Variants in ANKRD30B observed in about 807,000 individuals in gnomAD.
ANKRD30B encodes the protein ankyrin repeat domain 30B.
In ANKRD30B, 144 loss-of-function variants were observed where a neutral mutation model predicts 202.2. The ratio of observed to expected loss-of-function variants is 0.71; its 90% CI spans 0.62 to 0.82. The LOEUF is 0.82. ANKRD30B is among the 40% of genes least tolerant of loss of function. The pLI is 0.00. For missense variants in ANKRD30B, 1,487 were observed against 1,669.1 expected, an observed-to-expected ratio of 0.89 and a Z score of 1.90; for synonymous variants, 508 against 561.3, an observed-to-expected ratio of 0.91 and a Z score of 1.34.
chr18:14,776,073 C>G (rs1191324818), intron 9 of ANKRD30B, among the ~76,000 whole-genome samples: 1 of 152,158 alleles, frequency 6.6e-6, no homozygotes, highest in Non-Finnish European at 1.5e-5. Flanking sequence ...GAAGTAAGAA[C>G]AGGCATGTGG....
the ANKRD30B span, among the ~76,000 whole-genome samples, chr18:14,899,386 A>T: frequency 6.6e-6 from 1 of 152,174 alleles, no homozygotes; most frequent in Non-Finnish European, 1.5e-5. Flanking sequence ...AAATGTTTTA[A>T]CATCAAAGAT....
At chr18:14,809,491 G>A (rs35853799) in intron 26 of ANKRD30B, among the ~76,000 whole-genome samples, 11 of 150,944 alleles carry the variant, frequency 7.3e-5, no homozygotes, top group South Asian at 2.1e-4. Context: ...GAGCCATGGC[G>A]AGATGAGGGC....
intron 12 of ANKRD30B, 79 bp from the exon 13 acceptor site, chr18:14,784,253 CAGTT>C (rs1967934411): frequency 2.2e-6 from 3 of 1,371,746 alleles, no homozygotes; most frequent in African/African-American, 1.4e-5. Flanking sequence ...CAAGAGGACT[CAGTT>C]AGATACTATC....
chr18:14,769,419 CAT>C lies in ANKRD30B; in HGVS notation c.1256+48_1256+49del, dbSNP rs773587206. ...AAAACGAATAGGTTAACTCAGAAAA[CAT>C]AGAGAAAAGAAATCACTATCTGCTG... is the stretch of plus-strand genomic sequence containing the variant. On this transcript the variant is annotated intron_variant, in intron 8 of 43. Transcript: ENST00000690538. 7.5e-6 allele frequency: 11 copies of C among 1,470,478 alleles called. No homozygotes were observed. In the South Asian group the frequency reaches 1.1e-4, roughly 15 times the overall value. 91.1% of individuals were successfully genotyped at this position (1,470,478 alleles called of 1,614,324 possible).
the ANKRD30B span, among the ~76,000 whole-genome samples, chr18:14,881,034 G>C: frequency 2.6e-5 from 4 of 152,154 alleles, no homozygotes; most frequent in Non-Finnish European, 2.9e-5. Flanking sequence ...TCAGCAACCA[G>C]TGACAGTTTG....
At chr18:14,931,536 G>A in the ANKRD30B span, among the ~76,000 whole-genome samples, 1 of 152,168 alleles carries the variant, frequency 6.6e-6, no homozygotes, top group Non-Finnish European at 1.5e-5. Flanking sequence ...GCTGACCTTA[G>A]CTCTAGCAGT....
intron 39 of ANKRD30B, among the ~76,000 whole-genome samples, chr18:14,844,421 C>T (rs1426892770): frequency 6.6e-6 from 1 of 152,144 alleles, no homozygotes; most frequent in Non-Finnish European, 1.5e-5. Context: ...GCAGTATAGA[C>T]TTCATAGTAC....
At chr18:14,822,573 A>G (rs766217158) in intron 31 of ANKRD30B, 32 bp from the exon 32 acceptor site, 4 of 1,063,210 alleles carry the variant, frequency 3.8e-6, no homozygotes, top group Admixed American at 2.0e-5. Context: ...TATACATTAT[A>G]TAGTAATTAT....
the ANKRD30B span, among the ~76,000 whole-genome samples, chr18:14,938,219 G>T: frequency 6.6e-6 from 1 of 152,324 alleles, no homozygotes; most frequent in Middle Eastern, 3.4e-3. Context: ...TACCTCAGCT[G>T]ATTGAGACTC....
At chr18:14,795,920 C>T (rs1044307115) in intron 16 of ANKRD30B, among the ~76,000 whole-genome samples, 5 of 151,350 alleles carry the variant, frequency 3.3e-5, no homozygotes, top group South Asian at 2.1e-4. Flanking sequence ...TTTCCCTATA[C>T]GGCAGATTAA....
At chr18:14,856,030 C>T (rs1273703819), downstream of ANKRD30B, among the ~76,000 whole-genome samples, 437 of 138,512 alleles carry the variant, frequency 3.2e-3, no homozygotes, top group African/African-American at 0.011. Context: ...AGGTGCTCCT[C>T]GCCTCCCACA....
At chr18:14,867,570 T>C in the ANKRD30B span, among the ~76,000 whole-genome samples, 12 of 152,130 alleles carry the variant, frequency 7.9e-5, no homozygotes, top group African/African-American at 2.4e-5. Flanking sequence ...TTGCTCTGTG[T>C]TGTGGAGACC....
chr18:14,844,997 G>C (rs1355442995), intron 39 of ANKRD30B, among the ~76,000 whole-genome samples: 2 of 151,854 alleles, frequency 1.3e-5, no homozygotes, highest in Non-Finnish European at 2.9e-5. Flanking sequence ...TTGTCAGATG[G>C]ATAGATTGCA....
chr18:14,763,983 A>G lies in ANKRD30B; in HGVS notation c.1118A>G (p.Glu373Gly). The G allele has an allele frequency of 6.2e-7, 1 of 1,602,702 alleles. No individual in the cohort carries two copies. Among genetic ancestry groups the G allele is most frequent in the Non-Finnish European group, 8.5e-7 (1 of 1,174,694 alleles). Residue 373 changes from glutamate to glycine, a missense_variant, in exon 7 of 44, where the codon GAA (glutamate) becomes GGA (glycine). Glu to Gly is a moderately conservative substitution (Grantham distance 98, BLOSUM62 -2). Coordinates refer to ENST00000690538, the MANE Select transcript of ANKRD30B (RefSeq NM_001367607.2). ...GAAAAAGAAACATCTGTAAAGACTGAATGCGTGGCAGGAGTAACACCTAAT... is the reference window on the plus strand; with the variant it reads ...GAAAAAGAAACATCTGTAAAGACTGGATGCGTGGCAGGAGTAACACCTAAT... ...WEEKETSVKT[E>G]CVAGVTPNKT... is the part of the protein sequence containing the mutation.
chr18:14,938,919 C>G, the ANKRD30B span, among the ~76,000 whole-genome samples: 3 of 152,248 alleles, frequency 2.0e-5, no homozygotes, highest in Non-Finnish European at 4.4e-5. Flanking sequence ...TTTCATTTCC[C>G]CCCCAGGAGA....
At chr18:14,925,013 G>A in the ANKRD30B span, among the ~76,000 whole-genome samples, 151,254 of 152,346 alleles carry the variant, frequency 0.99, 75,093 homozygotes, top group Middle Eastern at 1. Context: ...GAATGGGGCA[G>A]AATTTCCAAA....
the ANKRD30B span, among the ~76,000 whole-genome samples, chr18:14,924,277 A>G: frequency 2.0e-5 from 3 of 152,274 alleles, no homozygotes; most frequent in Non-Finnish European, 4.4e-5. Flanking sequence ...AAGTGGTGAA[A>G]CAGGATTCTG....
intron 30 of ANKRD30B, among the ~76,000 whole-genome samples, chr18:14,821,860 G>C (rs772414085): frequency 3.3e-5 from 5 of 152,246 alleles, no homozygotes; most frequent in South Asian, 2.1e-4. Context: ...AAAAATACTC[G>C]TATTTCACAG....
intron 24 of ANKRD30B, among the ~76,000 whole-genome samples, chr18:14,806,166 G>T (rs1298122460): frequency 6.7e-6 from 1 of 148,640 alleles, no homozygotes; most frequent in Non-Finnish European, 1.5e-5. Context: ...CTTACAGTCA[G>T]CCCAGATCTC....
Sources: allele counts gnomAD v4.1 joint callset (sites outside exome capture counted in the v4.1 genomes callset), GRCh38; gene constraint gnomAD v4.1.1; transcripts MANE v1.5; gene names NCBI Gene and HGNC (gene_info 2026-07-23, HGNC 2026-07-21).